ANKRD10: variants seen among roughly 807,000 people sequenced by gnomAD.
ANKRD10 encodes the protein ankyrin repeat domain-containing protein 10.
Under a neutral mutation model 27.0 loss-of-function variants are expected in ANKRD10, and 14 were observed. The observed-to-expected ratio is 0.52, with a 90% CI of 0.34 to 0.81. The LOEUF (loss-of-function observed/expected upper bound fraction) is 0.81. Among genes scored for constraint, ANKRD10 ranks in the 40% least tolerant of loss-of-function variants. The pLI is 0.01. For missense variants in ANKRD10, 493 were observed against 544.0 expected (o/e 0.91, Z 0.93); for synonymous variants, 250 against 224.5 (o/e 1.11, Z -1.01).
At chr13:110,903,367 T>TTTTTAGATGTAAAC (rs2065437752) in intron 3 of ANKRD10, 1 of 153,286 alleles carries the variant, frequency 6.5e-6, no homozygotes, top group Admixed American at 6.5e-5. Flanking sequence ...TGGCAAATAA[T>TTTTTAGATGTAAAC]AATGACCAAC....
At position 110,910,664 on chromosome 13, in the gene ANKRD10, T is replaced by C; in HGVS notation, c.317A>G (p.Gln106Arg). The C allele has an allele frequency of 6.2e-7, 1 of 1,614,176 alleles. No individual in the cohort carries two copies. Among genetic ancestry groups the C allele is most frequent in the Non-Finnish European group, 8.5e-7 (1 of 1,180,034 alleles). The change falls in exon 2 of 6, where the codon CAG becomes CGG. Residue 106 changes from glutamine to arginine, a missense_variant. Coordinates refer to ENST00000267339, the MANE Select transcript of ANKRD10 (RefSeq NM_017664.4). ...AHIAAFGGHP[Q>R]CLVWLIQAGA... ...TGCTTGAATCAGCCAGACCAGGCAC[T>C]GAGGATGTCCCCCAAAGGCTGCAAT...
At chr13:110,904,570 T>C (rs749805578) in intron 3 of ANKRD10, among the ~76,000 whole-genome samples, 10 of 152,230 alleles carry the variant, frequency 6.6e-5, no homozygotes, top group Middle Eastern at 3.2e-3. Context: ...ACAAGCAATT[T>C]AATCATGTTA....
At chr13:110,897,222 G>A (rs2065250325) in intron 3 of ANKRD10, among the ~76,000 whole-genome samples, 1 of 151,290 alleles carries the variant, frequency 6.6e-6, no homozygotes, top group Admixed American at 6.6e-5. Context: ...GAACTCCTGG[G>A]CTAAGGGATC....
At chr13:110,895,982 T>C (rs989924836) in intron 3 of ANKRD10, among the ~76,000 whole-genome samples, 1 of 152,198 alleles carries the variant, frequency 6.6e-6, no homozygotes, top group Non-Finnish European at 1.5e-5. Context: ...AAACTTACTT[T>C]ACTAGAAGAG....
chr13:110,907,522 CAG>C (rs1306822605), intron 2 of ANKRD10, among the ~76,000 whole-genome samples: 2 of 152,050 alleles, frequency 1.3e-5, no homozygotes, highest in Non-Finnish European at 2.9e-5. Context: ...TTAAAAAAAA[CAG>C]TGGTAGATTA....
chr13:110,914,636 C>T, intron 1 of ANKRD10, 89 bp downstream of exon 1: 1 of 1,448,136 alleles, frequency 6.9e-7, no homozygotes, highest in Non-Finnish European at 9.2e-7. Flanking sequence ...GATCCCGGCA[C>T]GCCCCACGTC....
intron 5 of ANKRD10, among the ~76,000 whole-genome samples, chr13:110,882,361 T>C (rs1312192891): frequency 6.6e-6 from 1 of 152,204 alleles, no homozygotes; most frequent in Non-Finnish European, 1.5e-5. Context: ...TGGAGTGCCA[T>C]GTCCCACAAG....
At chr13:110,892,279 A>C (rs1002018172) in intron 4 of ANKRD10, among the ~76,000 whole-genome samples, 1 of 150,932 alleles carries the variant, frequency 6.6e-6, no homozygotes, top group African/African-American at 2.4e-5. Context: ...TAAAAATACA[A>C]ATTAGCCCAG....
intron 3 of ANKRD10, among the ~76,000 whole-genome samples, chr13:110,899,388 C>T (rs34554825): frequency 1.5e-3 from 229 of 152,312 alleles, no homozygotes; most frequent in Non-Finnish European, 2.6e-3. Context: ...TGTGCCTGAC[C>T]TAAAACGTGT....
Position 110,906,030 on chromosome 13 carries a change from T to TA in ANKRD10, c.455+2dup. 6.3e-7 allele frequency: 1 copy of TA among 1,589,540 alleles called. No homozygotes were observed. Among genetic ancestry groups the TA allele is most frequent in the Non-Finnish European group, 8.6e-7 (1 of 1,165,386 alleles). On this transcript the variant is annotated splice_region_variant and intron_variant, in intron 3 of 5. Coordinates refer to ENST00000267339, the MANE Select transcript of ANKRD10 (RefSeq NM_017664.4). ...CTGGAAAGAATAAACGAAAGACACTTACTCGACGTGAGCCCCATTCGCCAC... is the reference window on the plus strand; with the variant it reads ...CTGGAAAGAATAAACGAAAGACACTTAACTCGACGTGAGCCCCATTCGCCAC...
At chr13:110,892,018 C>T (rs1000160980) in intron 4 of ANKRD10, among the ~76,000 whole-genome samples, 4 of 151,032 alleles carry the variant, frequency 2.6e-5, no homozygotes, top group Non-Finnish European at 4.4e-5. Context: ...TGGCCTAAGA[C>T]ATCTTATATA....
intron 1 of ANKRD10, among the ~76,000 whole-genome samples, chr13:110,914,185 C>T (rs2065808874): frequency 6.6e-6 from 1 of 152,126 alleles, no homozygotes; most frequent in African/African-American, 2.4e-5. Context: ...CGGCTGAGCT[C>T]GTCCGCAGCG....
chr13:110,894,414 A>AAAAAAAAAAC (rs1566466054), intron 3 of ANKRD10: 2 of 305,316 alleles, frequency 6.6e-6, no homozygotes, highest in African/African-American at 4.4e-5. Flanking sequence ...AAAAAAAAAA[A>AAAAAAAAAAC]AAAAAAAAAA....
At chr13:110,905,600 G>A (rs922151026) in intron 3 of ANKRD10, among the ~76,000 whole-genome samples, 1 of 152,174 alleles carries the variant, frequency 6.6e-6, no homozygotes, top group Non-Finnish European at 1.5e-5. Flanking sequence ...CTAGAAAAGT[G>A]AATTTTCTTC....
At position 110,883,486 on chromosome 13, in the gene ANKRD10, A is replaced by T. The variant is rs1594533043; in HGVS notation, c.787+212T>A. ...ATGCAAATTATAGTATAACATTTTT[A>T]AAAAGACACTGGACAACAAAGTGCA... is the stretch of plus-strand genomic sequence containing the variant. On this transcript the variant is annotated intron_variant, in intron 5 of 5. Coordinates refer to ENST00000267339, the MANE Select transcript of ANKRD10 (RefSeq NM_017664.4). 5 of 1,291,122 alleles carry T rather than the reference A, an allele frequency of 3.9e-6. No individual in the cohort carries two copies. The East Asian group carries it at 1.2e-4, about 30-fold the overall frequency. 80.0% of individuals were successfully genotyped at this position (1,291,122 alleles called of 1,614,324 possible). A position where few individuals can be genotyped will look rare whatever the true frequency, so the allele number is the denominator to read the frequency against.
intron 1 of ANKRD10, among the ~76,000 whole-genome samples, chr13:110,911,226 G>T (rs1050641770): frequency 2.0e-5 from 3 of 152,056 alleles, no homozygotes; most frequent in Non-Finnish European, 4.4e-5. Flanking sequence ...AAGGCGGGTG[G>T]ATCACTTGAG....
Position 110,879,629 on chromosome 13 carries a change from C to A in ANKRD10, c.*8G>T. ...ACTCCTGCGTTTCCGAGAGCCAGGT[C>A]AGCGTCTCTAGGAGCCGTGGTGCAG... On this transcript the variant is annotated 3_prime_UTR_variant, in exon 6 of 6. Transcript: ENST00000267339. 2 of 1,601,264 alleles carry A rather than the reference C, an allele frequency of 1.2e-6. No homozygotes were observed. The highest frequency in any genetic ancestry group is 2.2e-5 in the South Asian group (2 of 90,332).
At chr13:110,906,279 C>T (rs369264820) in intron 2 of ANKRD10, among the ~76,000 whole-genome samples, 155 bp from the exon 3 acceptor site, 5 of 152,112 alleles carry the variant, frequency 3.3e-5, no homozygotes, top group African/African-American at 9.7e-5. Context: ...GAAATCTATA[C>T]GTGAATGGAG....
chr13:110,897,781 T>C (rs1047818618), intron 3 of ANKRD10, among the ~76,000 whole-genome samples: 2 of 152,194 alleles, frequency 1.3e-5, no homozygotes, highest in African/African-American at 4.8e-5. Flanking sequence ...CATACTCTTC[T>C]CCATAACGGT....
Sources: gnomAD v4.1 joint callset for allele counts (sites outside exome capture counted in the v4.1 genomes callset) on GRCh38, gnomAD v4.1.1 for gene constraint, MANE v1.5 for transcripts, NCBI Gene and HGNC (gene_info 2026-07-23, HGNC 2026-07-21) for gene names.